Variants in SEL1L3 observed in about 807,000 individuals in gnomAD.
SEL1L3 encodes SEL1L family member 3.
In SEL1L3, 76 loss-of-function variants were observed where a neutral mutation model predicts 142.8. The ratio of observed to expected loss-of-function variants is 0.53; its 90% CI spans 0.44 to 0.64. SEL1L3 has a LOEUF of 0.64. SEL1L3 is among the 30% of genes least tolerant of loss of function. The pLI is 0.00. For synonymous variants in SEL1L3, 504 were observed against 519.6 expected, an observed-to-expected ratio of 0.97 and a Z score of 0.41; for missense variants, 1,262 against 1,381.7, an observed-to-expected ratio of 0.91 and a Z score of 1.37.
chr4:25,760,412 T>C (rs1398436686), intron 20 of SEL1L3, among the ~76,000 whole-genome samples: 2 of 152,210 alleles, frequency 1.3e-5, no homozygotes, highest in Non-Finnish European at 2.9e-5. Flanking sequence ...AACAGAACGA[T>C]TTATATTCCT....
chr4:25,797,494 G>T (rs1712865844), intron 11 of SEL1L3, among the ~76,000 whole-genome samples: 1 of 152,188 alleles, frequency 6.6e-6, no homozygotes, highest in Non-Finnish European at 1.5e-5. Context: ...GTCGGAAGGG[G>T]AAACATCAGC....
chr4:25,772,807 A>AT (rs1176307202), intron 17 of SEL1L3, among the ~76,000 whole-genome samples: 11 of 151,234 alleles, frequency 7.3e-5, no homozygotes, highest in Non-Finnish European at 1.2e-4. Context: ...TTATTTATTT[A>AT]TTTTTTTTGA....
intron 17 of SEL1L3, among the ~76,000 whole-genome samples, chr4:25,774,467 A>T (rs960715760): frequency 6.6e-6 from 1 of 152,230 alleles, no homozygotes; most frequent in African/African-American, 2.4e-5. Flanking sequence ...AACCATGATG[A>T]GGCTGAGTAT....
At chr4:25,820,078 T>C (rs192213313) in intron 7 of SEL1L3, 138 bp from the exon 8 acceptor site, 4 of 738,228 alleles carry the variant, frequency 5.4e-6, no homozygotes, top group Non-Finnish European at 8.8e-6. Context: ...TCATCCACTC[T>C]GGATTTGCAA....
At chr4:25,850,608 G>T (rs755499986) in intron 1 of SEL1L3, among the ~76,000 whole-genome samples, 1 of 152,200 alleles carries the variant, frequency 6.6e-6, no homozygotes, top group African/African-American at 2.4e-5. Context: ...TACACTGAAA[G>T]TTGTGCAAAA....
At chr4:25,719,369 A>G in the SEL1L3 span, 32 of 152,268 alleles carry the variant, frequency 2.1e-4, no homozygotes, top group African/African-American at 7.0e-4. Flanking sequence ...GGTAGGAACT[A>G]GCGTGGCTTC....
chr4:25,845,627 C>A (rs972614514), intron 2 of SEL1L3, among the ~76,000 whole-genome samples: 1 of 152,082 alleles, frequency 6.6e-6, no homozygotes, highest in African/African-American at 2.4e-5. Context: ...GGGACAGTAC[C>A]AAGAAATCGC....
chr4:25,719,839 T>C, the SEL1L3 span: 1 of 152,102 alleles, frequency 6.6e-6, no homozygotes, highest in Non-Finnish European at 1.5e-5. Flanking sequence ...AGACAGCAAA[T>C]ACTAGGAGGA....
In SEL1L3 at chr4:25,819,846, G is replaced by A. The variant is rs1714634265; in HGVS notation, c.1385C>T (p.Ala462Val). The change falls in exon 8 of 24, where the codon GCA becomes GTA. Residue 462 changes from alanine to valine, a missense_variant. Ala to Val is a moderately conservative substitution (Grantham distance 64). Transcript: ENST00000399878. ...CTCGCCCCCGTGCTTTGCTGCAGAT[G>A]CATACACAGATACTATTTCTTGAAC... is the stretch of plus-strand genomic sequence containing the variant. The part of the protein sequence containing the change: ...AEVQEIVSVY[A>V]SAAKHGGERQ... The A allele has an allele frequency of 1.9e-6, 3 of 1,613,226 alleles. No individual in the cohort carries two copies. In the African/African-American group the frequency reaches 4.0e-5, roughly 22 times the overall value.
In SEL1L3 at chr4:25,790,366, C is replaced by G. The variant is rs148391999; in HGVS notation, c.2076+89G>C. 2.6e-4 allele frequency: 321 copies of G among 1,256,444 alleles called. No individual in the cohort carries two copies. The African/African-American group carries it at 4.1e-3, about 16-fold the overall frequency. The allele number at this position is 1,256,444 out of a possible 1,614,324, so 77.8% of individuals were successfully genotyped here. ...AGAAATAAACTGGCATTATTTTAAG[C>G]CACTGCAGTTTGAGATGTTTCATTA... On this transcript the variant is annotated intron_variant, in intron 12 of 23. Transcript: ENST00000399878.
At chr4:25,786,252 T>C (rs1471676397) in intron 13 of SEL1L3, among the ~76,000 whole-genome samples, 1 of 152,170 alleles carries the variant, frequency 6.6e-6, no homozygotes, top group Non-Finnish European at 1.5e-5. Flanking sequence ...TACTGTTCTT[T>C]GCATATGGAA....
intron 6 of SEL1L3, among the ~76,000 whole-genome samples, chr4:25,823,717 T>C (rs540042661): frequency 1.8e-4 from 28 of 151,876 alleles, no homozygotes; most frequent in African/African-American, 6.3e-4. Flanking sequence ...AAGGGGCAGA[T>C]GGAAGCAGAG....
At chr4:25,749,579 CTT>C (rs1717454523) in intron 23 of SEL1L3, among the ~76,000 whole-genome samples, 1 of 152,214 alleles carries the variant, frequency 6.6e-6, no homozygotes, top group African/African-American at 2.4e-5. Context: ...AAAGTGGCCT[CTT>C]TGTCTCTGCT....
chr4:25,808,302 A>T (rs1474859260), intron 9 of SEL1L3, among the ~76,000 whole-genome samples: 1 of 152,224 alleles, frequency 6.6e-6, no homozygotes, highest in African/African-American at 2.4e-5. Flanking sequence ...CTAAGGAACA[A>T]AAGCCACCAC....
chr4:25,838,945 A>C (rs1419771898), intron 2 of SEL1L3, among the ~76,000 whole-genome samples: 1 of 152,238 alleles, frequency 6.6e-6, no homozygotes, highest in Non-Finnish European at 1.5e-5. Flanking sequence ...CCCACTCCAG[A>C]TGTGCTTCGA....
At chr4:25,716,055 T>C in the SEL1L3 span, among the ~76,000 whole-genome samples, 1 of 152,078 alleles carries the variant, frequency 6.6e-6, no homozygotes, top group African/African-American at 2.4e-5. Flanking sequence ...ATTTGCTACA[T>C]TGAAGTTAAA....
rs1560270669 is a variant in SEL1L3, at chr4:25,748,669, C to G, written c.3260-105G>C. ...GCAAGCCAGGAGAGATGCATCTAGT[C>G]TAATGAACCTGACACTAACTAGCCA... On this transcript the variant is annotated intron_variant, in intron 23 of 23. Coordinates refer to ENST00000399878, the MANE Select transcript of SEL1L3 (RefSeq NM_015187.5). The G allele has an allele frequency of 5.8e-6, 7 of 1,205,366 alleles. No individual in the cohort carries two copies. In the East Asian group the frequency reaches 1.6e-4, roughly 27 times the overall value. The allele number at this position is 1,205,366 out of a possible 1,614,324, so 74.7% of individuals were successfully genotyped here.
chr4:25,720,211 G>C, the SEL1L3 span: 1 of 152,164 alleles, frequency 6.6e-6, no homozygotes, highest in Non-Finnish European at 1.5e-5. Flanking sequence ...TGTTTGAAGG[G>C]CTCATGGCAG....
intron 11 of SEL1L3, among the ~76,000 whole-genome samples, chr4:25,801,728 C>A (rs1463650930): frequency 6.6e-6 from 1 of 152,140 alleles, no homozygotes; most frequent in African/African-American, 2.4e-5. Context: ...AATCATCACA[C>A]CCTGTTGTCA....
Sources: gnomAD v4.1 joint callset for allele counts (sites outside exome capture counted in the v4.1 genomes callset) on GRCh38, gnomAD v4.1.1 for gene constraint, MANE v1.5 for transcripts, NCBI Gene and HGNC (gene_info 2026-07-23, HGNC 2026-07-21) for gene names.